N4BP1: variants seen among roughly 807,000 people sequenced by gnomAD.
The protein encoded by N4BP1 is NEDD4-binding protein 1.
A neutral mutation model predicts 70.9 loss-of-function variants in N4BP1; 21 were observed. The observed-to-expected ratio is 0.30, with a 90% CI of 0.21 to 0.43. The LOEUF (loss-of-function observed/expected upper bound fraction) is 0.43. N4BP1 is among the 20% of genes least tolerant of loss of function. The probability of loss-of-function intolerance (pLI) is 1.00; values close to 1 mark genes in which losing one functional copy is unlikely to be tolerated. For synonymous variants in N4BP1, 387 were observed against 394.6 expected (o/e 0.98, Z 0.23); for missense variants, 936 against 1,069.4 (o/e 0.88, Z 1.74).
chr16:48,557,034 T>C (rs1597094221), intron 2 of N4BP1, among the ~76,000 whole-genome samples: 1 of 152,060 alleles, frequency 6.6e-6, no homozygotes, highest in Non-Finnish European at 1.5e-5. Flanking sequence ...TCATTCATGG[T>C]GACAAGGGGG....
At chr16:48,579,821 A>C (rs1376821457) in intron 1 of N4BP1, among the ~76,000 whole-genome samples, 2 of 152,310 alleles carry the variant, frequency 1.3e-5, no homozygotes, top group South Asian at 2.1e-4. Context: ...AGCTATACTT[A>C]TATCAGATAA....
At position 48,601,896 on chromosome 16, in the gene N4BP1, C is replaced by CA. The variant is rs985887847; in HGVS notation, c.198+7878dup. Among the ~76,000 whole-genome samples the CA allele has an allele frequency of 3.3e-5, 5 of 152,032 alleles. 1 individual carries two copies. Among genetic ancestry groups the CA allele is most frequent in the Admixed American group, 1.3e-4 (2 of 15,280 alleles). ...CCAGCTAAATTCAGTTTCTTTAAGC[C>CA]AAAAAAACTCCTTTATGTTGTTTCC... On this transcript the variant is annotated intron_variant, in intron 1 of 6. Transcript: ENST00000262384.
chr16:48,575,244 A>T (rs4785523), intron 1 of N4BP1, among the ~76,000 whole-genome samples: 3 of 152,238 alleles, frequency 2.0e-5, no homozygotes, highest in East Asian at 1.9e-4. Flanking sequence ...AAGATAATGC[A>T]GTCCAAATAT....
intron 1 of N4BP1, among the ~76,000 whole-genome samples, chr16:48,572,985 G>A (rs1371544143): frequency 1.3e-5 from 2 of 151,710 alleles, no homozygotes; most frequent in Non-Finnish European, 2.9e-5. Flanking sequence ...GGTGGTGCAT[G>A]TCTGTAGTAG....
intron 4 of N4BP1, among the ~76,000 whole-genome samples, chr16:48,549,894 GGTT>G (rs1420480310): frequency 1.3e-5 from 2 of 152,166 alleles, no homozygotes; most frequent in East Asian, 1.9e-4. Flanking sequence ...AAAACACCAG[GGTT>G]GTTGTTAGTG....
At chr16:48,583,977 TTC>T (rs1423332115) in intron 1 of N4BP1, among the ~76,000 whole-genome samples, 1 of 152,226 alleles carries the variant, frequency 6.6e-6, no homozygotes, top group Non-Finnish European at 1.5e-5. Flanking sequence ...CTTCTGCTGT[TTC>T]TCTGTTGTCT....
At chr16:48,567,844 G>C (rs929854806) in intron 1 of N4BP1, among the ~76,000 whole-genome samples, 2 of 152,082 alleles carry the variant, frequency 1.3e-5, no homozygotes, top group Non-Finnish European at 2.9e-5. Context: ...TAATTCCTAG[G>C]GGTGGTCCCC....
intron 1 of N4BP1, among the ~76,000 whole-genome samples, chr16:48,593,840 T>C (rs1964371607): frequency 6.6e-6 from 1 of 151,762 alleles, no homozygotes; most frequent in Non-Finnish European, 1.5e-5. Flanking sequence ...TGAAATAGTG[T>C]CTCTACTAAA....
At chr16:48,601,135 T>C (rs1317862434) in intron 1 of N4BP1, among the ~76,000 whole-genome samples, 1 of 152,256 alleles carries the variant, frequency 6.6e-6, no homozygotes, top group Non-Finnish European at 1.5e-5. Context: ...AAGAGCATAA[T>C]GGCATTGTTT....
chr16:48,604,461 TC>T (rs1964546666), intron 1 of N4BP1, among the ~76,000 whole-genome samples: 1 of 151,808 alleles, frequency 6.6e-6, no homozygotes, highest in Admixed American at 6.6e-5. Flanking sequence ...GCCAAGAGGA[TC>T]GCTTGAGCCT....
At position 48,541,366 on chromosome 16, in the gene N4BP1, A is replaced by C. The variant is rs1963497101; in HGVS notation, c.*1538T>G. Reference sequence around the variant, plus strand: ...AGCTGGGTGACTTGGCCATAGGCCCAAACAATGGACAACCAGTTCCACATT... The same window carrying C: ...AGCTGGGTGACTTGGCCATAGGCCCCAACAATGGACAACCAGTTCCACATT... On this transcript the variant is annotated 3_prime_UTR_variant, in exon 7 of 7. Coordinates refer to ENST00000262384, the MANE Select transcript of N4BP1 (RefSeq NM_153029.4). 6.6e-6 allele frequency: 1 copy of C among 151,152 alleles called. No homozygotes were observed. The highest frequency in any genetic ancestry group is 2.5e-5 in the African/African-American group (1 of 40,372). The allele number at this position is 151,152 out of a possible 1,614,324, so 9.4% of individuals were successfully genotyped here.
At chr16:48,585,098 A>AT (rs1964224956) in intron 1 of N4BP1, among the ~76,000 whole-genome samples, 1 of 151,480 alleles carries the variant, frequency 6.6e-6, no homozygotes, top group African/African-American at 2.4e-5. Context: ...TGCCTGGCTA[A>AT]TTTTTTTGTA....
intron 1 of N4BP1, among the ~76,000 whole-genome samples, chr16:48,588,546 C>T (rs188999289): frequency 1.2e-4 from 19 of 152,238 alleles, no homozygotes; most frequent in African/African-American, 4.1e-4. Context: ...CCACCTGCCT[C>T]GACCTCCCAA....
At chr16:48,554,797 C>G (rs543477723) in intron 2 of N4BP1, among the ~76,000 whole-genome samples, 1 of 152,348 alleles carries the variant, frequency 6.6e-6, no homozygotes, top group African/African-American at 2.4e-5. Flanking sequence ...AACCCAGGCT[C>G]TCCTAATTCC....
At chr16:48,597,325 G>C (rs761101089) in intron 1 of N4BP1, among the ~76,000 whole-genome samples, 1 of 152,058 alleles carries the variant, frequency 6.6e-6, no homozygotes, top group Non-Finnish European at 1.5e-5. Context: ...CTGAATTTAG[G>C]GTATATGAAG....
intron 5 of N4BP1, among the ~76,000 whole-genome samples, chr16:48,547,170 G>A (rs549296896): frequency 1.3e-5 from 2 of 152,296 alleles, no homozygotes; most frequent in Admixed American, 6.5e-5. Flanking sequence ...AATCCCAACA[G>A]GGATAAATAT....
intron 1 of N4BP1, among the ~76,000 whole-genome samples, chr16:48,594,530 T>G (rs1368401716): frequency 6.6e-6 from 1 of 152,064 alleles, no homozygotes; most frequent in African/African-American, 2.4e-5. Flanking sequence ...AATTTTTGTA[T>G]TTTTTGGTAG....
In N4BP1 at chr16:48,610,087, C is replaced by T. The variant is rs547588118; in HGVS notation, c.-115G>A. 1.3e-5 allele frequency: 6 copies of T among 475,248 alleles called. No homozygotes were observed. The highest frequency in any genetic ancestry group is 1.4e-4 in the East Asian group (1 of 7,044). The allele number at this position is 475,248 out of a possible 1,614,324, so 29.4% of individuals were successfully genotyped here. A position where few individuals can be genotyped will look rare whatever the true frequency, so the allele number is the denominator to read the frequency against. ...GCGTCGGCCCTTCCCGGCCGCCTCG[C>T]CCCCGCCCGCGCCCCGCCGCCCGCC... On this transcript the variant is annotated 5_prime_UTR_variant, in exon 1 of 7. Transcript: ENST00000262384.
chr16:48,556,043 C>T (rs552796226), intron 2 of N4BP1, among the ~76,000 whole-genome samples: 5 of 152,118 alleles, frequency 3.3e-5, no homozygotes, highest in East Asian at 3.9e-4. Context: ...AAATGCAGAC[C>T]GATGAATTCT....
Sources: gnomAD v4.1 joint callset for allele counts (sites outside exome capture counted in the v4.1 genomes callset) on GRCh38, gnomAD v4.1.1 for gene constraint, MANE v1.5 for transcripts, NCBI Gene and HGNC (gene_info 2026-07-23, HGNC 2026-07-21) for gene names.